DNAJC3: variants seen among roughly 807,000 people sequenced by gnomAD.
The protein encoded by DNAJC3 is dnaJ homolog subfamily C member 3.
DNAJC3 carries 38 observed loss-of-function variants against 68.6 expected under a neutral mutation model. The observed-to-expected ratio is 0.55, with a 90% CI of 0.43 to 0.73. The LOEUF is 0.73. Ranked by LOEUF, DNAJC3 falls within the 30% of genes least tolerant of loss-of-function variation. The pLI is 0.00. For synonymous variants in DNAJC3, 203 were observed against 204.0 expected (o/e 1.00, Z 0.04); for missense variants, 526 against 591.9 (o/e 0.89, Z 1.16).
At chr13:95,724,408 G>C (rs1881439036) in intron 3 of DNAJC3, among the ~76,000 whole-genome samples, 1 of 152,182 alleles carries the variant, frequency 6.6e-6, no homozygotes, top group Non-Finnish European at 1.5e-5. Flanking sequence ...AGAAGAAGAG[G>C]AATATCAGAT....
chr13:95,683,258 G>T (rs2139596969), intron 1 of DNAJC3, among the ~76,000 whole-genome samples: 1 of 152,196 alleles, frequency 6.6e-6, no homozygotes, highest in South Asian at 2.1e-4. Flanking sequence ...ACATGTGCAG[G>T]TTACATGGGT....
intron 1 of DNAJC3, chr13:95,692,868 C>G (rs1218022423): frequency 6.6e-6 from 1 of 151,208 alleles, no homozygotes; most frequent in Non-Finnish European, 1.5e-5. Context: ...CTGCCCAGGC[C>G]GGACTGCAGT....
intron 1 of DNAJC3, among the ~76,000 whole-genome samples, chr13:95,682,530 A>G (rs1305957996): frequency 2.0e-5 from 3 of 152,158 alleles, no homozygotes; most frequent in African/African-American, 2.4e-5. Flanking sequence ...ATATTCTAAT[A>G]CTAATTTCAG....
intron 4 of DNAJC3, among the ~76,000 whole-genome samples, chr13:95,748,217 T>C (rs1402082241): frequency 6.6e-6 from 1 of 152,242 alleles, no homozygotes; most frequent in Non-Finnish European, 1.5e-5. Flanking sequence ...AAATAGTCCT[T>C]TCATATAACT....
intron 2 of DNAJC3, among the ~76,000 whole-genome samples, chr13:95,711,795 A>G (rs1880975973): frequency 6.6e-6 from 1 of 152,194 alleles, no homozygotes; most frequent in Admixed American, 6.5e-5. Flanking sequence ...AATAATATAT[A>G]GGAAAACAGA....
chr13:95,717,355 G>A (rs954800973), intron 2 of DNAJC3, among the ~76,000 whole-genome samples: 1 of 152,120 alleles, frequency 6.6e-6, no homozygotes, highest in African/African-American at 2.4e-5. Flanking sequence ...TCTGAAATGA[G>A]GACAAACATT....
chr13:95,694,541 T>A (rs1216202660), intron 1 of DNAJC3: 2 of 152,552 alleles, frequency 1.3e-5, no homozygotes. Context: ...GGAAAAATAA[T>A]CATTGTACTT....
At chr13:95,718,482 A>G (rs549228475) in intron 2 of DNAJC3, among the ~76,000 whole-genome samples, 16 of 152,200 alleles carry the variant, frequency 1.1e-4, no homozygotes, top group Admixed American at 5.9e-4. Context: ...GCTCGCTGCA[A>G]CCTCCACTTT....
Position 95,784,421 on chromosome 13 carries a change from C to T in DNAJC3, c.1076-1518C>T, listed in dbSNP as rs536195615. On this transcript the variant is annotated intron_variant, in intron 9 of 11. Coordinates refer to ENST00000602402, the MANE Select transcript of DNAJC3 (RefSeq NM_006260.5). ...CCAGGCAGAAGATTCCAGGACTTCTCTCCCTGTGACGTCATAAAGAACAAG... is the reference window on the plus strand; with the variant it reads ...CCAGGCAGAAGATTCCAGGACTTCTTTCCCTGTGACGTCATAAAGAACAAG... Among the ~76,000 whole-genome samples, 11 of 152,136 alleles carry T rather than the reference C, an allele frequency of 7.2e-5. No individual in the cohort carries two copies. In the East Asian group the frequency reaches 1.9e-3, roughly 27 times the overall value.
intron 4 of DNAJC3, among the ~76,000 whole-genome samples, chr13:95,750,514 T>A (rs979517387): frequency 1.5e-5 from 2 of 129,772 alleles, no homozygotes; most frequent in African/African-American, 3.5e-5. Flanking sequence ...AATTATTCAA[T>A]TTTTTTTTTT....
At chr13:95,746,794 A>G (rs77975851) in intron 4 of DNAJC3, among the ~76,000 whole-genome samples, 10 of 152,330 alleles carry the variant, frequency 6.6e-5, no homozygotes, top group African/African-American at 2.4e-4. Flanking sequence ...TAAAAGAACA[A>G]AAATTTGAAT....
intron 2 of DNAJC3, among the ~76,000 whole-genome samples, chr13:95,717,740 TGTC>T (rs1324765451): frequency 2.0e-5 from 3 of 152,136 alleles, no homozygotes; most frequent in African/African-American, 7.2e-5. Flanking sequence ...CATTCTCTCT[TGTC>T]TGCTGCCATG....
intron 1 of DNAJC3, among the ~76,000 whole-genome samples, chr13:95,691,259 G>T (rs1014685582): frequency 7.9e-5 from 12 of 151,360 alleles, no homozygotes; most frequent in African/African-American, 2.9e-4. Context: ...CTTCCCAGAC[G>T]GGGTGGCTGC....
chr13:95,694,500 C>G (rs975148400), intron 1 of DNAJC3: 4 of 152,534 alleles, frequency 2.6e-5, no homozygotes, highest in African/African-American at 9.7e-5. Context: ...TGTCATTATT[C>G]CCACATGGCT....
intron 4 of DNAJC3, among the ~76,000 whole-genome samples, chr13:95,739,080 T>C (rs1004432621): frequency 6.6e-6 from 1 of 152,178 alleles, no homozygotes; most frequent in South Asian, 2.1e-4. Flanking sequence ...CCTTCACTTA[T>C]GAAGCTTAGT....
intron 9 of DNAJC3, among the ~76,000 whole-genome samples, 191 bp from the exon 10 acceptor site, chr13:95,785,748 G>T (rs1389495065): frequency 6.6e-6 from 1 of 151,876 alleles, no homozygotes; most frequent in African/African-American, 2.4e-5. Flanking sequence ...ACAGGCATGA[G>T]CCCCTGTGCC....
intron 1 of DNAJC3, among the ~76,000 whole-genome samples, chr13:95,697,316 G>GT (rs1338161606): frequency 6.6e-6 from 1 of 152,112 alleles, no homozygotes; most frequent in Non-Finnish European, 1.5e-5. Context: ...CTTGGTTATA[G>GT]TTTTTTTGTT....
At chr13:95,782,795 T>C (rs1314322937) in intron 9 of DNAJC3, among the ~76,000 whole-genome samples, 2 of 152,230 alleles carry the variant, frequency 1.3e-5, no homozygotes, top group East Asian at 3.8e-4. Flanking sequence ...ATAGTTTCTT[T>C]TGCTGTGGAG....
At chr13:95,756,584 T>G (rs1382060995) in intron 4 of DNAJC3, among the ~76,000 whole-genome samples, 1 of 152,186 alleles carries the variant, frequency 6.6e-6, no homozygotes, top group Non-Finnish European at 1.5e-5. Flanking sequence ...TGGGAGTATA[T>G]TTTAAAAATT....
Sources: gnomAD v4.1 joint callset for allele counts (sites outside exome capture counted in the v4.1 genomes callset) on GRCh38, gnomAD v4.1.1 for gene constraint, MANE v1.5 for transcripts, NCBI Gene and HGNC (gene_info 2026-07-23, HGNC 2026-07-21) for gene names.